Variants in LMBR1 observed in about 807,000 individuals in gnomAD.
The protein encoded by LMBR1 is limb development membrane protein 1.
LMBR1 carries 52 observed loss-of-function variants against 73.9 expected under a neutral mutation model. That is an observed-to-expected ratio of 0.70 (90% CI 0.56 to 0.89). LMBR1 has a LOEUF of 0.89. Among genes scored for constraint, LMBR1 ranks in the 40% least tolerant of loss-of-function variants. The pLI, the probability that LMBR1 is intolerant of heterozygous loss-of-function variation, is 0.00. For missense variants in LMBR1, 539 were observed against 579.8 expected (o/e 0.93, Z 0.72); for synonymous variants, 215 against 209.4 (o/e 1.03, Z -0.23).
At chr7:156,772,044 G>A (rs944927009) in intron 5 of LMBR1, among the ~76,000 whole-genome samples, 3 of 152,190 alleles carry the variant, frequency 2.0e-5, no homozygotes, top group Non-Finnish European at 4.4e-5. Context: ...GGGAGGCTGA[G>A]GCAGGTGGAT....
intron 8 of LMBR1, among the ~76,000 whole-genome samples, chr7:156,758,921 C>G (rs554717370): frequency 6.6e-6 from 1 of 152,298 alleles, no homozygotes; most frequent in South Asian, 2.1e-4. Context: ...ACAGACTGTT[C>G]TCATCTCCAT....
At chr7:156,844,383 A>C (rs1839249703) in intron 1 of LMBR1, among the ~76,000 whole-genome samples, 1 of 152,110 alleles carries the variant, frequency 6.6e-6, no homozygotes, top group South Asian at 2.1e-4. Context: ...ACCAAAACAA[A>C]AATCACAGAA....
At chr7:156,766,062 G>C (rs780361876) in intron 5 of LMBR1, among the ~76,000 whole-genome samples, 1 of 152,104 alleles carries the variant, frequency 6.6e-6, no homozygotes, top group Non-Finnish European at 1.5e-5. Flanking sequence ...ATTCTGGTAA[G>C]AACTATTTCT....
chr7:156,840,235 A>G (rs1298014463), intron 1 of LMBR1, among the ~76,000 whole-genome samples: 2 of 152,202 alleles, frequency 1.3e-5, no homozygotes, highest in African/African-American at 2.4e-5. Flanking sequence ...CTTACAGTAC[A>G]CTGCGAGAAA....
intron 4 of LMBR1, among the ~76,000 whole-genome samples, chr7:156,803,397 A>G (rs2133475319): frequency 6.6e-6 from 1 of 152,268 alleles, no homozygotes; most frequent in South Asian, 2.1e-4. Context: ...AAACACATGA[A>G]AAAATGCTCA....
intron 1 of LMBR1, among the ~76,000 whole-genome samples, chr7:156,855,502 C>A (rs1166784631): frequency 6.6e-6 from 1 of 151,766 alleles, no homozygotes; most frequent in African/African-American, 2.4e-5. Context: ...CCAAGAAGTA[C>A]AGAACAATTA....
At chr7:156,821,338 G>A (rs1294017506) in intron 4 of LMBR1, among the ~76,000 whole-genome samples, 1 of 152,180 alleles carries the variant, frequency 6.6e-6, no homozygotes, top group African/African-American at 2.4e-5. Flanking sequence ...AGGAAGACCT[G>A]GGCCTGGTTT....
chr7:156,843,662 A>G (rs976436122), intron 1 of LMBR1, among the ~76,000 whole-genome samples: 2 of 151,974 alleles, frequency 1.3e-5, no homozygotes, highest in Admixed American at 1.3e-4. Context: ...CCTGGCCAAC[A>G]TGACGAAACC....
At chr7:156,810,203 G>A (rs1194221281) in intron 4 of LMBR1, among the ~76,000 whole-genome samples, 1 of 152,198 alleles carries the variant, frequency 6.6e-6, no homozygotes, top group Admixed American at 6.5e-5. Flanking sequence ...GCTGGCATAT[G>A]CAGAGATCAC....
Position 156,807,606 on chromosome 7 carries a change from T to C in LMBR1, c.320-11114A>G, listed in dbSNP as rs574234027. ...TTCTGGCATTGTTTATCAATTTCAG[T>C]GTTCTTCTTGGTGATTTCCTGTTTT... On this transcript the variant is annotated intron_variant, in intron 4 of 16. Transcript: ENST00000353442. Among the ~76,000 whole-genome samples, 185 of 152,300 alleles carry C rather than the reference T, an allele frequency of 1.2e-3. 1 individual carries two copies. The highest frequency in any genetic ancestry group is 2.7e-3 in the Admixed American group (42 of 15,296).
At position 156,681,378 on chromosome 7, in the gene LMBR1, T is replaced by C. The variant is rs965307754; in HGVS notation, c.*2700A>G. 7.9e-5 allele frequency: 16 copies of C among 203,348 alleles called. No individual in the cohort carries two copies. The highest frequency in any genetic ancestry group is 3.6e-4 in the South Asian group (5 of 13,818). The allele number at this position is 203,348 out of a possible 1,614,324, so 12.6% of individuals were successfully genotyped here. A position where few individuals can be genotyped will look rare whatever the true frequency, so the allele number is the denominator to read the frequency against. On this transcript the variant is annotated 3_prime_UTR_variant, in exon 17 of 17. Coordinates refer to ENST00000353442, the MANE Select transcript of LMBR1 (RefSeq NM_022458.4). ...TTTAAGGAGCTAACATTAGTGTGTA[T>C]GTGTGTACAAATTTCATGTAAAGCC...
chr7:156,790,273 C>G (rs79290293), intron 5 of LMBR1, among the ~76,000 whole-genome samples: 1 of 151,984 alleles, frequency 6.6e-6, no homozygotes, highest in Non-Finnish European at 1.5e-5. Flanking sequence ...CATTTAAGCA[C>G]CTAATAATAA....
intron 1 of LMBR1, among the ~76,000 whole-genome samples, chr7:156,880,945 G>A (rs940575591): frequency 2.0e-5 from 3 of 152,022 alleles, no homozygotes; most frequent in African/African-American, 4.8e-5. Flanking sequence ...GAGCCACCAC[G>A]CCCAACCCCC....
chr7:156,794,330 G>C (rs565739476), intron 5 of LMBR1, among the ~76,000 whole-genome samples: 1 of 152,144 alleles, frequency 6.6e-6, no homozygotes, highest in Non-Finnish European at 1.5e-5. Flanking sequence ...CTGTACAATC[G>C]TATGTGTGAA....
intron 14 of LMBR1, 131 bp downstream of exon 14, chr7:156,725,304 C>A: frequency 1.7e-6 from 1 of 585,750 alleles, no homozygotes; most frequent in East Asian, 2.8e-5. Flanking sequence ...GAAAATCTTC[C>A]AGTTTGTGTT....
chr7:156,727,745 A>G (rs1238769856), intron 12 of LMBR1, among the ~76,000 whole-genome samples, 185 bp downstream of exon 12: 1 of 152,214 alleles, frequency 6.6e-6, no homozygotes, highest in East Asian at 1.9e-4. Context: ...GTCAATCCAA[A>G]GTAAAAAATT....
intron 3 of LMBR1, among the ~76,000 whole-genome samples, chr7:156,831,971 T>G (rs1836777388): frequency 6.6e-6 from 1 of 152,210 alleles, no homozygotes; most frequent in Admixed American, 6.5e-5. Flanking sequence ...CGTTGTAGCT[T>G]TTGTGAGGTG....
chr7:156,868,769 CAGCCT>C (rs1172140911), intron 1 of LMBR1, among the ~76,000 whole-genome samples: 1 of 152,036 alleles, frequency 6.6e-6, no homozygotes, highest in Admixed American at 6.5e-5. Context: ...AGTTCAAGAC[CAGCCT>C]GGGCAACATG....
rs1816008406 is a variant in LMBR1, at chr7:156,727,522, G to A, written c.993+408C>T. 3.9e-5 allele frequency among the ~76,000 whole-genome samples: 6 copies of A among 152,178 alleles called. No individual in the cohort carries two copies. The South Asian group carries it at 1.2e-3, about 32-fold the overall frequency. ...CTGTAGGATGAGGCACCTGGAGCAT[G>A]ATGGTGGGCTTGTACTCATGGAGAA... On this transcript the variant is annotated intron_variant, in intron 12 of 16. Coordinates refer to ENST00000353442, the MANE Select transcript of LMBR1 (RefSeq NM_022458.4).
Sources: gnomAD v4.1 joint callset for allele counts (sites outside exome capture counted in the v4.1 genomes callset) on GRCh38, gnomAD v4.1.1 for gene constraint, MANE v1.5 for transcripts, NCBI Gene and HGNC (gene_info 2026-07-23, HGNC 2026-07-21) for gene names.